The following NEBL variants were observed in gnomAD, a reference collection of about 807,000 sequenced individuals.
The protein encoded by NEBL is LIM and SH3 protein 2.
In NEBL, 122 loss-of-function variants were observed where a neutral mutation model predicts 140.2. That is an observed-to-expected ratio of 0.87 (90% CI 0.75 to 1.01). The LOEUF (loss-of-function observed/expected upper bound fraction) is 1.01. Ranked by LOEUF, NEBL falls within the 50% of genes least tolerant of loss-of-function variation. The pLI, the probability that NEBL is intolerant of heterozygous loss-of-function variation, is 0.00. For synonymous variants in NEBL, 436 were observed against 398.9 expected (o/e 1.09, Z -1.11); for missense variants, 1,365 against 1,231.3 (o/e 1.11, Z -1.62).
chr10:20,808,423 G>T, intron 26 of NEBL, 87 bp downstream of exon 26: 1 of 1,363,234 alleles, frequency 7.3e-7, no homozygotes, highest in Non-Finnish European at 1.0e-6. Flanking sequence ...AGATGTTCAT[G>T]CAAAAGTGAA....
intron 2 of NEBL, among the ~76,000 whole-genome samples, chr10:21,090,139 G>C (rs1481953882): frequency 6.6e-6 from 1 of 152,144 alleles, no homozygotes; most frequent in Non-Finnish European, 1.5e-5. Context: ...AGTCCTGTCC[G>C]GTTAGGCCAA....
chr10:20,921,741 GCACA>G (rs1833590393), intron 4 of NEBL, among the ~76,000 whole-genome samples: 2 of 151,782 alleles, frequency 1.3e-5, no homozygotes, highest in South Asian at 4.2e-4. Flanking sequence ...CACAACACAT[GCACA>G]CACATACACA....
chr10:21,018,371 A>T (rs1838644373), intron 3 of NEBL, among the ~76,000 whole-genome samples: 1 of 152,190 alleles, frequency 6.6e-6, no homozygotes, highest in African/African-American at 2.4e-5. Flanking sequence ...AGAAAGGCAC[A>T]TTGGATATGC....
chr10:21,164,991 A>G (rs1467448221), intron 2 of NEBL, among the ~76,000 whole-genome samples: 2 of 152,246 alleles, frequency 1.3e-5, no homozygotes, highest in Non-Finnish European at 2.9e-5. Flanking sequence ...ATATCCTTCC[A>G]TAGAAACAGT....
chr10:20,987,110 T>TTA (rs1837285358), intron 3 of NEBL, among the ~76,000 whole-genome samples: 1 of 152,342 alleles, frequency 6.6e-6, no homozygotes, highest in South Asian at 2.1e-4. Context: ...TTCTAAGCTA[T>TTA]TATACCATGT....
At chr10:20,882,581 G>C (rs1846117628) in intron 4 of NEBL, among the ~76,000 whole-genome samples, 6 of 152,144 alleles carry the variant, frequency 3.9e-5, no homozygotes, top group Admixed American at 3.9e-4. Context: ...GTGAACAGAT[G>C]AATAAATGAG....
rs78077945 is a variant in NEBL at position 20,903,783 on chromosome 10, C to T, written c.357+57889G>A. On this transcript the variant is annotated intron_variant, in intron 4 of 6. Transcript: ENST00000417816. The stretch of plus-strand genomic sequence containing the variant: ...CTCAGGAATGAAAAACCAAATACTG[C>T]ATGTTGTCTGTCACTCATAAGTGGC... Among the ~76,000 whole-genome samples the T allele has an allele frequency of 7.6e-3, 1,149 of 151,756 alleles. 26 individuals are homozygous for T. Among genetic ancestry groups the T allele is most frequent in the African/African-American group, 0.026 (1,078 of 41,096 alleles).
chr10:21,004,359 G>T (rs1231925215), intron 3 of NEBL, among the ~76,000 whole-genome samples: 2 of 151,998 alleles, frequency 1.3e-5, no homozygotes, highest in African/African-American at 2.4e-5. Context: ...GAAAAAAAAT[G>T]CCAGGAGTGT....
At chr10:21,031,479 G>A (rs770276116) in intron 2 of NEBL, among the ~76,000 whole-genome samples, 1 of 152,232 alleles carries the variant, frequency 6.6e-6, no homozygotes. Context: ...GGAGGCCCAG[G>A]GGAGCAGTGA....
At chr10:20,810,541 T>C (rs1160691751) in intron 24 of NEBL, among the ~76,000 whole-genome samples, 1 of 152,156 alleles carries the variant, frequency 6.6e-6, no homozygotes, top group Non-Finnish European at 1.5e-5. Context: ...AGCAAGGAAA[T>C]ATGATGAATG....
At chr10:20,976,045 G>GA (rs1836782183) in intron 3 of NEBL, among the ~76,000 whole-genome samples, 1 of 152,050 alleles carries the variant, frequency 6.6e-6, no homozygotes, top group Admixed American at 6.6e-5. Context: ...TCCAAGTTTG[G>GA]AGATTTCAGC....
chr10:21,055,278 G>C (rs1246058948), intron 2 of NEBL, among the ~76,000 whole-genome samples: 1 of 152,214 alleles, frequency 6.6e-6, no homozygotes, highest in Non-Finnish European at 1.5e-5. Context: ...ACAGTTTTAA[G>C]TACTGGGAAG....
intron 13 of NEBL, among the ~76,000 whole-genome samples, chr10:20,837,656 A>G (rs1841026405): frequency 6.6e-6 from 1 of 152,170 alleles, no homozygotes; most frequent in Non-Finnish European, 1.5e-5. Context: ...CTTCTATTGG[A>G]AAAAGATGCC....
intron 1 of NEBL, among the ~76,000 whole-genome samples, chr10:21,288,643 C>A (rs192482887): frequency 2.0e-5 from 3 of 149,426 alleles, no homozygotes; most frequent in African/African-American, 7.4e-5. Flanking sequence ...CACCTGTAAT[C>A]CCAGCTACTT....
chr10:21,140,573 C>A (rs1031310255), intron 2 of NEBL, among the ~76,000 whole-genome samples: 28 of 152,222 alleles, frequency 1.8e-4, no homozygotes, highest in African/African-American at 6.7e-4. Context: ...AGCAAACACC[C>A]ATAAATGATT....
At chr10:21,113,834 AT>A (rs1838159640) in intron 2 of NEBL, among the ~76,000 whole-genome samples, 1 of 152,222 alleles carries the variant, frequency 6.6e-6, no homozygotes, top group South Asian at 2.1e-4. Flanking sequence ...TAAGCTCAGT[AT>A]TTTAATAAAG....
At chr10:20,961,710 G>T (rs2131618058) in exon 4 of NEBL, 1 of 1,613,732 alleles carries the variant, frequency 6.2e-7, no homozygotes, top group East Asian at 2.2e-5. Context: ...AGTCTCTGTA[G>T]CTCAGGAGTG....
chr10:21,130,216 T>A (rs1048122529), intron 2 of NEBL, among the ~76,000 whole-genome samples: 3 of 152,070 alleles, frequency 2.0e-5, no homozygotes, highest in Admixed American at 1.3e-4. Context: ...GTCTTTAACA[T>A]GTATGCACCT....
At chr10:20,883,062 T>C (rs1846167241) in intron 4 of NEBL, among the ~76,000 whole-genome samples, 1 of 152,192 alleles carries the variant, frequency 6.6e-6, no homozygotes, top group South Asian at 2.1e-4. Flanking sequence ...TTACATGCTC[T>C]CTTCAGCCCA....
Sources: allele counts gnomAD v4.1 joint callset (sites outside exome capture counted in the v4.1 genomes callset), GRCh38; gene constraint gnomAD v4.1.1; transcripts MANE v1.5; gene names NCBI Gene and HGNC (gene_info 2026-07-23, HGNC 2026-07-21).